EPHB2: variants seen among roughly 807,000 people sequenced by gnomAD.
EPHB2 encodes ephrin type-B receptor 2.
In EPHB2, 18 loss-of-function variants were observed where a neutral mutation model predicts 96.4. The ratio of observed to expected loss-of-function variants is 0.19; its 90% CI spans 0.13 to 0.28. The LOEUF (loss-of-function observed/expected upper bound fraction) is 0.28. Ranked by LOEUF, EPHB2 falls within the 10% of genes least tolerant of loss-of-function variation. EPHB2 has a pLI of 1.00. For synonymous variants in EPHB2, 506 were observed against 534.1 expected (o/e 0.95, Z 0.72); for missense variants, 989 against 1,355.4 (o/e 0.73, Z 4.25).
intron 3 of EPHB2, among the ~76,000 whole-genome samples, chr1:22,832,862 C>A (rs1171920179): frequency 6.9e-6 from 1 of 144,480 alleles, no homozygotes; most frequent in African/African-American, 2.7e-5. Context: ...TACAAAGGGA[C>A]AGATAGGTGT....
chr1:22,840,703 C>T (rs143343186), intron 3 of EPHB2, among the ~76,000 whole-genome samples: 303 of 152,216 alleles, frequency 2.0e-3, no homozygotes, highest in African/African-American at 6.6e-3. Context: ...TCAAGCAATC[C>T]GCCCACCTTT....
At chr1:22,863,230 A>G in intron 4 of EPHB2, 38 bp downstream of exon 4, 2 of 1,613,740 alleles carry the variant, frequency 1.2e-6, no homozygotes, top group Non-Finnish European at 1.7e-6. Flanking sequence ...TGGCTGGCCG[A>G]GTCCCAGGTC....
chr1:22,863,105 C>T lies in EPHB2; in HGVS notation c.880C>T (p.Arg294Trp), dbSNP rs754403229. Residue 294 changes from arginine to tryptophan, a missense_variant, in exon 4 of 16, where the codon CGG becomes TGG. Arg to Trp is a moderately radical substitution (Grantham distance 101, BLOSUM62 -3). Coordinates refer to ENST00000374630, the MANE Select transcript of EPHB2 (RefSeq NM_017449.5). ...EACTHCPINS[R>W]TTSEGATNCV... is the part of the protein sequence containing the mutation. ...CTGTACCCACTGTCCCATCAACAGC[C>T]GGACCACTTCTGAAGGGGCCACCAA... is the stretch of plus-strand genomic sequence containing the variant. The T allele has an allele frequency of 1.1e-5, 18 of 1,614,066 alleles. No individual in the cohort carries two copies. The highest frequency in any genetic ancestry group is 2.2e-5 in the South Asian group (2 of 91,084).
At chr1:22,786,794 A>G (rs1644617901) in intron 3 of EPHB2, among the ~76,000 whole-genome samples, 1 of 152,234 alleles carries the variant, frequency 6.6e-6, no homozygotes, top group Non-Finnish European at 1.5e-5. Context: ...GAGGAGAGGT[A>G]AGAGTCACAG....
chr1:22,731,769 A>G (rs540045015), intron 1 of EPHB2, among the ~76,000 whole-genome samples: 1 of 152,214 alleles, frequency 6.6e-6, no homozygotes, highest in South Asian at 2.1e-4. Flanking sequence ...GAACCCGGGA[A>G]GTGGAGGTTG....
chr1:22,776,891 C>T (rs1644461290), intron 1 of EPHB2, among the ~76,000 whole-genome samples: 1 of 152,216 alleles, frequency 6.6e-6, no homozygotes, highest in Non-Finnish European at 1.5e-5. Flanking sequence ...GCCCGTGTGC[C>T]AAGCCCTGTG....
At chr1:22,899,327 C>CT (rs1639674355) in intron 9 of EPHB2, among the ~76,000 whole-genome samples, 1 of 151,584 alleles carries the variant, frequency 6.6e-6, no homozygotes, top group East Asian at 1.9e-4. Flanking sequence ...CATGGTGAAA[C>CT]CCCATCTCTA....
chr1:22,877,018 C>T (rs368218081), intron 5 of EPHB2, among the ~76,000 whole-genome samples: 7 of 142,464 alleles, frequency 4.9e-5, no homozygotes, highest in Non-Finnish European at 9.3e-5. Flanking sequence ...TGGGGCGGGC[C>T]GGGTGGGTGG....
chr1:22,845,475 A>G (rs957517829), intron 3 of EPHB2, among the ~76,000 whole-genome samples: 1 of 152,154 alleles, frequency 6.6e-6, no homozygotes, highest in Non-Finnish European at 1.5e-5. Context: ...AGTGTGGGCT[A>G]TCTTTGCAGG....
chr1:22,730,485 A>G (rs1162013154), intron 1 of EPHB2, among the ~76,000 whole-genome samples: 1 of 152,212 alleles, frequency 6.6e-6, no homozygotes, highest in Non-Finnish European at 1.5e-5. Context: ...GACTGATGCC[A>G]GATATCTAGT....
rs565094521 is a variant in EPHB2 at position 22,886,682 on chromosome 1, A to G, written c.1428+4199A>G. Among the ~76,000 whole-genome samples the G allele has an allele frequency of 4.1e-3, 572 of 139,646 alleles. 3 individuals carry two copies. Among genetic ancestry groups the G allele is most frequent in the South Asian group, 0.018 (79 of 4,282 alleles). 91.6% of individuals were successfully genotyped at this position (139,646 alleles called of 152,430 possible). Reference sequence around the variant, plus strand: ...GCACTTGTTGCCCAGGCTGGAGTGCAGTGGCACAATCTCGGCTCACCACAA... The same window carrying G: ...GCACTTGTTGCCCAGGCTGGAGTGCGGTGGCACAATCTCGGCTCACCACAA... On this transcript the variant is annotated intron_variant, in intron 6 of 15. Coordinates refer to ENST00000374630, the MANE Select transcript of EPHB2 (RefSeq NM_017449.5).
At chr1:22,773,134 C>G (rs763241813) in intron 1 of EPHB2, among the ~76,000 whole-genome samples, 1 of 152,236 alleles carries the variant, frequency 6.6e-6, no homozygotes, top group Non-Finnish European at 1.5e-5. Context: ...CCAATGCCTC[C>G]TTTGATCCTC....
Position 22,913,079 on chromosome 1 carries a change from G to A in EPHB2, c.2853-383G>A. On this transcript the variant is annotated intron_variant, in intron 15 of 15. Coordinates refer to ENST00000374630, the MANE Select transcript of EPHB2 (RefSeq NM_017449.5). This position sits in a 1 kb window ranked among gnomAD's most constrained non-coding sequence, Gnocchi z 4.1. ...AAGGTGGCATGCACCTGTAATGCCA[G>A]CTACTCGGGAGGCTGAGGCAGGGGA... 1 of 361,614 alleles carries A rather than the reference G, an allele frequency of 2.8e-6. No individual in the cohort carries two copies. Among genetic ancestry groups the A allele is most frequent in the South Asian group, 2.4e-5 (1 of 42,402 alleles). The allele number at this position is 361,614 out of a possible 1,614,324, so 22.4% of individuals were successfully genotyped here. A position where few individuals can be genotyped will look rare whatever the true frequency, so the allele number is the denominator to read the frequency against.
At chr1:22,723,503 G>A (rs1643516170) in intron 1 of EPHB2, among the ~76,000 whole-genome samples, 1 of 152,368 alleles carries the variant, frequency 6.6e-6, no homozygotes, top group African/African-American at 2.4e-5. Context: ...GGCTGGCCCG[G>A]AAGCACAGCC....
intron 3 of EPHB2, among the ~76,000 whole-genome samples, chr1:22,810,637 G>A (rs907320205): frequency 6.6e-5 from 10 of 152,172 alleles, no homozygotes; most frequent in Non-Finnish European, 1.2e-4. Context: ...TCAGGGCAGG[G>A]GGTGCAGGGA....
chr1:22,764,743 A>AC lies in EPHB2; in HGVS notation c.62-16678_62-16677insC, dbSNP rs574260357. On this transcript the variant is annotated intron_variant, in intron 1 of 15. Transcript: ENST00000374630. ...CCTGGGCAACTCTCAAAAAAAAAAA[A>AC]AATCTAAATGACTGCTGAGGCCACT... Among the ~76,000 whole-genome samples the AC allele has an allele frequency of 1.5e-3, 224 of 152,114 alleles. 1 individual carries two copies. Among genetic ancestry groups the AC allele is most frequent in the African/African-American group, 5.1e-3 (210 of 41,496 alleles).
At chr1:22,842,187 C>T (rs545153114) in intron 3 of EPHB2, among the ~76,000 whole-genome samples, 11 of 151,992 alleles carry the variant, frequency 7.2e-5, no homozygotes, top group African/African-American at 2.7e-4. Context: ...GCTCTGCCAG[C>T]CCCCCAGGCA....
Position 22,875,593 on chromosome 1 carries a change from G to T in EPHB2, c.1304-6766G>T, listed in dbSNP as rs567703182. Among the ~76,000 whole-genome samples, 1 of 152,086 alleles carries T rather than the reference G, an allele frequency of 6.6e-6. No homozygotes were observed. Among genetic ancestry groups the T allele is most frequent in the Non-Finnish European group, 1.5e-5 (1 of 67,998 alleles). On this transcript the variant is annotated intron_variant, in intron 5 of 15. Transcript: ENST00000374630. This position sits in a 1 kb window ranked among gnomAD's most constrained non-coding sequence, Gnocchi z 4.2. ...AAAGGGGAGAATCTGTCTGGTCCCC[G>T]CTTTTCCCTTTCTCCCTTCCTTCCT...
At chr1:22,815,834 G>C (rs1645067917) in intron 3 of EPHB2, among the ~76,000 whole-genome samples, 1 of 152,152 alleles carries the variant, frequency 6.6e-6, no homozygotes, top group Non-Finnish European at 1.5e-5. Flanking sequence ...TGGGAGCCCG[G>C]GGCGGTGCTG....
Sources: allele counts gnomAD v4.1 joint callset (sites outside exome capture counted in the v4.1 genomes callset), GRCh38; gene constraint gnomAD v4.1.1; non-coding constraint Gnocchi (gnomAD v3.1); transcripts MANE v1.5; gene names NCBI Gene and HGNC (gene_info 2026-07-23, HGNC 2026-07-21).